TCF12: variants seen among roughly 807,000 people sequenced by gnomAD.
TCF12 encodes transcription factor 12.
In TCF12, 45 loss-of-function variants were observed where a neutral mutation model predicts 86.0. That is an observed-to-expected ratio of 0.52 (90% CI 0.41 to 0.67). The LOEUF (loss-of-function observed/expected upper bound fraction) is 0.67, where lower values mean the gene tolerates loss of function less well. Among genes scored for constraint, TCF12 ranks in the 30% least tolerant of loss-of-function variants. The pLI is 0.00. For missense variants in TCF12, 881 were observed against 859.9 expected, an observed-to-expected ratio of 1.02 and a Z score of -0.31; for synonymous variants, 330 against 299.6, an observed-to-expected ratio of 1.10 and a Z score of -1.05.
chr15:57,281,843 A>T (rs1253369592), intron 19 of TCF12: 3 of 156,198 alleles, frequency 1.9e-5, no homozygotes, highest in African/African-American at 7.2e-5. Context: ...AATAATAGAA[A>T]TACAGTGCAC....
At chr15:56,939,835 C>T (rs1440916460) in intron 3 of TCF12, among the ~76,000 whole-genome samples, 2 of 152,114 alleles carry the variant, frequency 1.3e-5, no homozygotes, top group African/African-American at 2.4e-5. Flanking sequence ...TTCTTACTTA[C>T]TCTGCTCAAG....
At chr15:57,033,101 AG>A (rs1295010210) in intron 3 of TCF12, among the ~76,000 whole-genome samples, 1 of 152,188 alleles carries the variant, frequency 6.6e-6, no homozygotes, top group Non-Finnish European at 1.5e-5. Flanking sequence ...GAATAAAGAT[AG>A]GTCAATAGAA....
intron 3 of TCF12, among the ~76,000 whole-genome samples, chr15:57,041,667 G>C (rs576822852): frequency 1.4e-4 from 22 of 152,046 alleles, no homozygotes; most frequent in Non-Finnish European, 2.9e-4. Context: ...TAGTTTGCAG[G>C]CATCTCATGT....
intron 7 of TCF12, among the ~76,000 whole-genome samples, chr15:57,194,990 C>T (rs1416163678): frequency 6.6e-6 from 1 of 152,160 alleles, no homozygotes; most frequent in Non-Finnish European, 1.5e-5. Context: ...GCAACCTCTG[C>T]CTCCCGGGCT....
intron 7 of TCF12, among the ~76,000 whole-genome samples, 155 bp downstream of exon 7, chr15:57,192,448 G>A (rs1290088413): frequency 6.6e-6 from 1 of 151,500 alleles, no homozygotes; most frequent in African/African-American, 2.4e-5. Flanking sequence ...GAATGCAACA[G>A]CACAATCTTG....
chr15:57,127,950 T>A (rs557311977), intron 5 of TCF12, among the ~76,000 whole-genome samples: 1 of 152,318 alleles, frequency 6.6e-6, no homozygotes, highest in Admixed American at 6.5e-5. Context: ...AGAACAATTT[T>A]ATGAGCTTAC....
intron 3 of TCF12, among the ~76,000 whole-genome samples, chr15:57,034,540 T>G (rs2066388800): frequency 2.6e-5 from 4 of 152,210 alleles, no homozygotes; most frequent in Admixed American, 2.6e-4. Flanking sequence ...TCATAAATTA[T>G]GACAATGAAT....
At chr15:56,960,731 A>G (rs1368601376) in intron 3 of TCF12, among the ~76,000 whole-genome samples, 4 of 151,798 alleles carry the variant, frequency 2.6e-5, no homozygotes, top group African/African-American at 9.7e-5. Flanking sequence ...TGCCCGGCCT[A>G]CTGTATTGTA....
intron 3 of TCF12, among the ~76,000 whole-genome samples, chr15:57,041,707 T>C (rs76615038): frequency 0.078 from 11,830 of 152,126 alleles, 644 homozygotes; most frequent in Non-Finnish European, 0.12. Flanking sequence ...ACTCTTGGAG[T>C]TAAAAATACA....
At chr15:57,207,887 C>T (rs757498687) in intron 8 of TCF12, among the ~76,000 whole-genome samples, 4 of 151,956 alleles carry the variant, frequency 2.6e-5, no homozygotes, top group African/African-American at 4.8e-5. Context: ...AGTATGGGCT[C>T]CATCTAGTAG....
At chr15:57,265,271 A>G (rs2060808407) in intron 18 of TCF12, among the ~76,000 whole-genome samples, 1 of 152,044 alleles carries the variant, frequency 6.6e-6, no homozygotes, top group South Asian at 2.1e-4. Flanking sequence ...GAGTTTGCAC[A>G]TTCTTCCCAT....
chr15:57,283,827 T>TATATAGGGTCAAATGAGACTAC (rs1287804980), intron 20 of TCF12, among the ~76,000 whole-genome samples: 2 of 152,186 alleles, frequency 1.3e-5, no homozygotes, highest in Admixed American at 1.3e-4. Flanking sequence ...CGCCACTACA[T>TATATAGGGTCAAATGAGACTAC]ATATAGGGTC....
intron 5 of TCF12, among the ~76,000 whole-genome samples, chr15:57,134,077 C>A (rs1251849448): frequency 6.6e-6 from 1 of 152,108 alleles, no homozygotes; most frequent in Non-Finnish European, 1.5e-5. Context: ...ACTGATGTTG[C>A]AGTTTAAATG....
chr15:57,276,762 G>T (rs886357043), intron 19 of TCF12, among the ~76,000 whole-genome samples: 3 of 150,838 alleles, frequency 2.0e-5, no homozygotes, highest in African/African-American at 7.3e-5. Context: ...AATTTCTGAG[G>T]AAAATAATTT....
At chr15:57,158,042 T>C (rs1367556133) in intron 5 of TCF12, among the ~76,000 whole-genome samples, 1 of 152,204 alleles carries the variant, frequency 6.6e-6, no homozygotes, top group African/African-American at 2.4e-5. Flanking sequence ...CTATAAACCT[T>C]CTCATCCTCA....
At chr15:57,026,138 C>T (rs757351328) in intron 3 of TCF12, among the ~76,000 whole-genome samples, 8 of 152,170 alleles carry the variant, frequency 5.3e-5, no homozygotes, top group Non-Finnish European at 8.8e-5. Context: ...GGCTTTGTGT[C>T]ACCACTTAAC....
intron 4 of TCF12, among the ~76,000 whole-genome samples, chr15:57,075,804 T>TTCTTTCTTTCTCTCTCTCTCTCTCTCTC (rs1461514777): frequency 3.5e-5 from 1 of 28,600 alleles, no homozygotes. Flanking sequence ...CTTTCTTTCT[T>TTCTTTCTTTCTCTCTCTCTCTCTCTCTC]TCTCTCTCTC....
At chr15:57,104,861 GTTTTTTTTTT>G (rs11336613) in intron 5 of TCF12, among the ~76,000 whole-genome samples, 4 of 71,450 alleles carry the variant, frequency 5.6e-5, no homozygotes, top group East Asian at 5.0e-4. Flanking sequence ...CTTTGGTGGT[GTTTTTTTTTT>G]TTTTTTTTTT....
In TCF12 at chr15:56,950,745, G is replaced by GCTTTTTTTTTTTTTTTT. The variant is rs1555455322; in HGVS notation, c.148+29647_148+29648insCTTTTTTTTTTTTTTTT. On this transcript the variant is annotated intron_variant, in intron 3 of 20. Coordinates refer to ENST00000333725, the MANE Select transcript of TCF12 (RefSeq NM_207037.2). The stretch of plus-strand genomic sequence containing the variant: ...TTACAAATAAAGCTATTATGACCAT[G>GCTTTTTTTTTTTTTTTT]TTTTTTTTTTTTTTTTTTTTTTTTT... 7.0e-5 allele frequency among the ~76,000 whole-genome samples: 6 copies of GCTTTTTTTTTTTTTTTT among 85,922 alleles called. 3 individuals carry two copies. Among genetic ancestry groups the GCTTTTTTTTTTTTTTTT allele is most frequent in the African/African-American group, 1.0e-4 (2 of 19,174 alleles). 56.4% of individuals were successfully genotyped at this position (85,922 alleles called of 152,430 possible). A position where few individuals can be genotyped will look rare whatever the true frequency, so the allele number is the denominator to read the frequency against.
Sources: allele counts gnomAD v4.1 joint callset (sites outside exome capture counted in the v4.1 genomes callset), GRCh38; gene constraint gnomAD v4.1.1; transcripts MANE v1.5; gene names NCBI Gene and HGNC (gene_info 2026-07-23, HGNC 2026-07-21).